The following EYA2 variants were observed in gnomAD, a reference collection of about 807,000 sequenced individuals.
EYA2 encodes the protein protein phosphatase EYA2.
EYA2 carries 31 observed loss-of-function variants against 69.2 expected under a neutral mutation model. The ratio of observed to expected loss-of-function variants is 0.45; its 90% confidence interval spans 0.34 to 0.60. The LOEUF is 0.60. Ranked by LOEUF, EYA2 falls within the 20% of genes least tolerant of loss-of-function variation. The probability of loss-of-function intolerance (pLI) is 0.02; values close to 1 mark genes in which losing one functional copy is unlikely to be tolerated. For missense variants in EYA2, 622 were observed against 701.2 expected (o/e 0.89, Z 1.28); for synonymous variants, 257 against 279.4 (o/e 0.92, Z 0.80).
chr20:47,022,044 T>G (rs1983782519), intron 5 of EYA2, among the ~76,000 whole-genome samples: 1 of 152,182 alleles, frequency 6.6e-6, no homozygotes, highest in Non-Finnish European at 1.5e-5. Context: ...TAGTCAATAG[T>G]GCATGCCACA....
At chr20:47,065,566 A>G (rs1167322188) in intron 5 of EYA2, among the ~76,000 whole-genome samples, 3 of 152,258 alleles carry the variant, frequency 2.0e-5, no homozygotes, top group Non-Finnish European at 2.9e-5. Flanking sequence ...TTGAGAAACA[A>G]TGAAGTTTAA....
intron 12 of EYA2, among the ~76,000 whole-genome samples, chr20:47,178,855 G>GATATT (rs71183234): frequency 6.6e-6 from 1 of 151,410 alleles, no homozygotes; most frequent in Non-Finnish European, 1.5e-5. Flanking sequence ...TGGATGGATG[G>GATATT]GTAGATACGT....
intron 2 of EYA2, among the ~76,000 whole-genome samples, chr20:46,996,451 T>C (rs1449493745): frequency 6.6e-6 from 1 of 152,242 alleles, no homozygotes; most frequent in African/African-American, 2.4e-5. Flanking sequence ...CAGCATCACC[T>C]GGAGGCTTCC....
At chr20:47,148,955 G>A (rs964144654) in intron 10 of EYA2, among the ~76,000 whole-genome samples, 5 of 152,206 alleles carry the variant, frequency 3.3e-5, no homozygotes, top group African/African-American at 9.6e-5. Context: ...TTCTGGGCTC[G>A]GATGCAGCCA....
chr20:47,054,182 G>A (rs1009227533), intron 5 of EYA2, among the ~76,000 whole-genome samples: 2 of 152,112 alleles, frequency 1.3e-5, no homozygotes, highest in South Asian at 4.2e-4. Context: ...TTTGTTCATG[G>A]AGATTGTGAG....
chr20:47,126,464 C>T (rs1259887322), intron 9 of EYA2, among the ~76,000 whole-genome samples: 2 of 152,168 alleles, frequency 1.3e-5, no homozygotes, highest in African/African-American at 4.8e-5. Flanking sequence ...GGGCAGAGCG[C>T]AGATTGCAGC....
At chr20:47,169,833 C>T (rs1402917685) in intron 11 of EYA2, among the ~76,000 whole-genome samples, 1 of 152,176 alleles carries the variant, frequency 6.6e-6, no homozygotes, top group African/African-American at 2.4e-5. Context: ...TCTCCTCCTC[C>T]AGCAGTCTTC....
intron 7 of EYA2, among the ~76,000 whole-genome samples, chr20:47,084,834 CTTT>C (rs34290555): frequency 4.0e-4 from 45 of 112,394 alleles, no homozygotes; most frequent in Non-Finnish European, 4.2e-4. Context: ...CTGTTTCTTT[CTTT>C]TTTTTTTTTT....
rs1600590582 is a variant in EYA2 at position 46,967,776 on chromosome 20, A to C, written c.-10-22225A>C. Among the ~76,000 whole-genome samples the C allele has an allele frequency of 3.3e-5, 5 of 152,200 alleles. No individual in the cohort carries two copies. In the East Asian group the frequency reaches 9.6e-4, roughly 29 times the overall value. ...GCACAGCAGTGCTGCACTCACAATG[A>C]CAATTGGCACTTGGAGAGACAGCTG... On this transcript the variant is annotated intron_variant, in intron 1 of 15. Transcript: ENST00000327619.
chr20:47,054,440 A>C (rs911251226), intron 5 of EYA2, among the ~76,000 whole-genome samples: 1 of 152,176 alleles, frequency 6.6e-6, no homozygotes, highest in African/African-American at 2.4e-5. Flanking sequence ...CGTCAGTTTC[A>C]CTGATTCCGT....
chr20:47,044,575 C>G (rs529916122), intron 5 of EYA2, among the ~76,000 whole-genome samples: 2 of 152,182 alleles, frequency 1.3e-5, no homozygotes, highest in Non-Finnish European at 2.9e-5. Flanking sequence ...GGCTGGGTCT[C>G]ACTAAGAAGT....
intron 7 of EYA2, among the ~76,000 whole-genome samples, chr20:47,078,731 A>G (rs1206822): frequency 0.8 from 121,197 of 152,280 alleles, 48,890 homozygotes; most frequent in African/African-American, 0.93. Context: ...ACATTTTTAA[A>G]TATGATACAA....
chr20:46,982,603 C>A (rs114256554), intron 1 of EYA2, among the ~76,000 whole-genome samples: 1,994 of 152,212 alleles, frequency 0.013, 40 homozygotes, highest in African/African-American at 0.044. Flanking sequence ...TTACCATGTA[C>A]CATGTTTCTT....
At chr20:47,172,588 C>A in intron 11 of EYA2, 119 bp from the exon 12 acceptor site, 1 of 995,570 alleles carries the variant, frequency 1.0e-6, no homozygotes, top group Non-Finnish European at 1.5e-6. Context: ...CTGTGCATTT[C>A]GAGGGGCTCA....
Position 47,033,081 on chromosome 20 carries a change from T to G in EYA2, c.415+16784T>G, listed in dbSNP as rs376065105. Among the ~76,000 whole-genome samples the G allele has an allele frequency of 1.5e-3, 225 of 152,246 alleles. 1 individual carries two copies. The highest frequency in any genetic ancestry group is 5.2e-3 in the African/African-American group (218 of 41,544). ...GTAAGAACTGGCAGCTCAAAAAGAT[T>G]GTGCAACCCCCAAGACCATAGCTCA... On this transcript the variant is annotated intron_variant, in intron 5 of 15. Coordinates refer to ENST00000327619, the MANE Select transcript of EYA2 (RefSeq NM_005244.5).
chr20:46,898,849 C>T (rs1214738858), intron 1 of EYA2, among the ~76,000 whole-genome samples: 1 of 152,212 alleles, frequency 6.6e-6, no homozygotes, highest in Non-Finnish European at 1.5e-5. Context: ...GAGGAAAAGG[C>T]ATGAAGGAAG....
intron 2 of EYA2, among the ~76,000 whole-genome samples, chr20:46,992,567 C>T (rs1981748066): frequency 2.0e-5 from 3 of 152,214 alleles, no homozygotes; most frequent in Admixed American, 2.0e-4. Flanking sequence ...CCACTTCTAA[C>T]TCACTTTCTG....
intron 9 of EYA2, among the ~76,000 whole-genome samples, chr20:47,098,431 A>G (rs2032318221): frequency 6.6e-6 from 1 of 152,210 alleles, no homozygotes; most frequent in Non-Finnish European, 1.5e-5. Context: ...ACAGGCACTC[A>G]CTCATCTTGC....
intron 1 of EYA2, among the ~76,000 whole-genome samples, chr20:46,959,546 C>T (rs149189632): frequency 2.1e-3 from 319 of 152,314 alleles, no homozygotes; most frequent in African/African-American, 7.2e-3. Context: ...GAACTTTATT[C>T]CATTCCCGCC....
Sources: allele counts gnomAD v4.1 joint callset (sites outside exome capture counted in the v4.1 genomes callset), GRCh38; gene constraint gnomAD v4.1.1; transcripts MANE v1.5; gene names NCBI Gene and HGNC (gene_info 2026-07-23, HGNC 2026-07-21).